The following ADGRG7 variants were observed in gnomAD, a reference collection of about 807,000 sequenced individuals.
ADGRG7 encodes adhesion G protein-coupled receptor G7, also known as G-protein coupled receptor 128.
A neutral mutation model predicts 88.6 loss-of-function variants in ADGRG7; 82 were observed. The observed-to-expected ratio is 0.93, with a 90% CI of 0.77 to 1.11. ADGRG7 has a LOEUF of 1.11. Among genes scored for constraint, ADGRG7 ranks in the 50% most tolerant of loss-of-function variants. ADGRG7 has a pLI of 0.00. For missense variants in ADGRG7, 945 were observed against 953.4 expected, an observed-to-expected ratio of 0.99 and a Z score of 0.12; for synonymous variants, 381 against 345.2, an observed-to-expected ratio of 1.10 and a Z score of -1.15.
chr3:100,628,297 G>A (rs1707410553), intron 1 of ADGRG7, among the ~76,000 whole-genome samples: 1 of 151,286 alleles, frequency 6.6e-6, no homozygotes, highest in South Asian at 2.1e-4. Context: ...TATTACCATT[G>A]TTATCTATGA....
rs1181994563 is a variant in ADGRG7, at chr3:100,668,938, C to T, written c.1980-11C>T. 3.8e-6 allele frequency: 6 copies of T among 1,561,222 alleles called. No homozygotes were observed. Among genetic ancestry groups the T allele is most frequent in the Admixed American group, 3.9e-5 (2 of 51,210 alleles). On this transcript the variant is annotated splice_polypyrimidine_tract_variant and intron_variant, in intron 14 of 15. Transcript: ENST00000273352. Reference sequence around the variant, plus strand: ...TGAACCACATTATTTTTCTTGTTTTCTTTCACCTAGCACAAAAAAAGTTTC... The same window carrying T: ...TGAACCACATTATTTTTCTTGTTTTTTTTCACCTAGCACAAAAAAAGTTTC...
intron 15 of ADGRG7, among the ~76,000 whole-genome samples, chr3:100,671,271 TG>T (rs1380271420): frequency 6.6e-6 from 1 of 152,252 alleles, no homozygotes; most frequent in African/African-American, 2.4e-5. Context: ...TATCTCATTG[TG>T]GTTTTGATTT....
Position 100,668,945 on chromosome 3 carries a change from C to T in ADGRG7, c.1980-4C>T. On this transcript the variant is annotated splice_polypyrimidine_tract_variant and splice_region_variant and intron_variant, in intron 14 of 15. Transcript: ENST00000273352. ...CATTATTTTTCTTGTTTTCTTTCAC[C>T]TAGCACAAAAAAAGTTTCATCCATG... 1.3e-6 allele frequency: 2 copies of T among 1,575,494 alleles called. No individual in the cohort carries two copies. The highest frequency in any genetic ancestry group is 1.7e-6 in the Non-Finnish European group (2 of 1,163,900).
At chr3:100,643,450 G>GCTA in intron 7 of ADGRG7, 45 bp downstream of exon 7, 1 of 1,611,192 alleles carries the variant, frequency 6.2e-7, no homozygotes. Flanking sequence ...AGAGCATTCT[G>GCTA]CTACTGATGA....
chr3:100,660,715 G>A (rs1355257193), intron 14 of ADGRG7, among the ~76,000 whole-genome samples: 2 of 152,018 alleles, frequency 1.3e-5, no homozygotes, highest in Admixed American at 1.3e-4. Flanking sequence ...AACTTTGGGA[G>A]GCGGGGGTGG....
chr3:100,619,832 C>G (rs1273787155), intron 1 of ADGRG7, among the ~76,000 whole-genome samples: 3 of 152,142 alleles, frequency 2.0e-5, no homozygotes, highest in South Asian at 2.1e-4. Context: ...TTCCTCGACA[C>G]GTACACTCTC....
At chr3:100,641,750 G>A (rs1707645160) in intron 6 of ADGRG7, among the ~76,000 whole-genome samples, 1 of 152,234 alleles carries the variant, frequency 6.6e-6, no homozygotes, top group African/African-American at 2.4e-5. Flanking sequence ...GGAAGCCTTA[G>A]TAGAGGAGTT....
At chr3:100,660,158 T>C (rs773521989) in intron 14 of ADGRG7, among the ~76,000 whole-genome samples, 6 of 152,230 alleles carry the variant, frequency 3.9e-5, no homozygotes, top group African/African-American at 4.8e-5. Flanking sequence ...CAAGAAATCA[T>C]ATTTGGATAA....
At chr3:100,613,650 GT>G (rs1262361520) in intron 1 of ADGRG7, among the ~76,000 whole-genome samples, 1 of 152,144 alleles carries the variant, frequency 6.6e-6, no homozygotes, top group African/African-American at 2.4e-5. Flanking sequence ...AATCAGTGAT[GT>G]TTAAAGTGTT....
At chr3:100,612,035 TTAG>T (rs1707161772) in intron 1 of ADGRG7, among the ~76,000 whole-genome samples, 1 of 152,166 alleles carries the variant, frequency 6.6e-6, no homozygotes, top group Non-Finnish European at 1.5e-5. Flanking sequence ...TATAAATGTC[TTAG>T]TAGGGAAAAT....
intron 15 of ADGRG7, among the ~76,000 whole-genome samples, chr3:100,679,020 C>T: frequency 6.6e-6 from 1 of 152,184 alleles, no homozygotes; most frequent in Non-Finnish European, 1.5e-5. Flanking sequence ...CAAATCTAGC[C>T]AGGCTTGTTT....
At chr3:100,642,659 G>A (rs898788518) in intron 6 of ADGRG7, among the ~76,000 whole-genome samples, 2 of 152,274 alleles carry the variant, frequency 1.3e-5, no homozygotes, top group African/African-American at 2.4e-5. Flanking sequence ...AAATTGACAG[G>A]TTGCCCCCAC....
chr3:100,674,419 T>C (rs931819629), intron 15 of ADGRG7, among the ~76,000 whole-genome samples: 101 of 152,326 alleles, frequency 6.6e-4, no homozygotes, highest in African/African-American at 2.4e-3. Context: ...TTCCAATCCA[T>C]GAACATGGAA....
intron 13 of ADGRG7, among the ~76,000 whole-genome samples, chr3:100,656,517 G>A (rs2094937742): frequency 1.3e-5 from 2 of 152,144 alleles, no homozygotes. Flanking sequence ...ATTCCAGTGT[G>A]AATAATTAAC....
intron 1 of ADGRG7, among the ~76,000 whole-genome samples, chr3:100,622,690 G>A (rs1707331208): frequency 6.6e-6 from 1 of 151,994 alleles, no homozygotes. Flanking sequence ...TACACTTTTG[G>A]ATACAATTCC....
At chr3:100,668,031 G>C (rs2094953963) in intron 14 of ADGRG7, among the ~76,000 whole-genome samples, 1 of 152,184 alleles carries the variant, frequency 6.6e-6, no homozygotes, top group African/African-American at 2.4e-5. Flanking sequence ...TCCTTGGGTA[G>C]GGGAGAAAAT....
At chr3:100,645,145 A>G (rs1268248957) in intron 8 of ADGRG7, among the ~76,000 whole-genome samples, 1 of 152,262 alleles carries the variant, frequency 6.6e-6, no homozygotes, top group East Asian at 1.9e-4. Flanking sequence ...GTTAAAATGT[A>G]TACTGTTGAC....
chr3:100,683,880 A>G (rs951318750), intron 15 of ADGRG7, among the ~76,000 whole-genome samples: 2 of 152,260 alleles, frequency 1.3e-5, no homozygotes, highest in African/African-American at 4.8e-5. Flanking sequence ...AGACTGAAAG[A>G]GGTGTGTAAA....
chr3:100,647,700 G>A (rs936404945), intron 10 of ADGRG7, among the ~76,000 whole-genome samples: 17 of 33,962 alleles, frequency 5.0e-4, no homozygotes, highest in East Asian at 3.2e-3. Context: ...CTATTATTCC[G>A]GTGAAACAAA....
Sources: gnomAD v4.1 joint callset for allele counts (sites outside exome capture counted in the v4.1 genomes callset) on GRCh38, gnomAD v4.1.1 for gene constraint, MANE v1.5 for transcripts, NCBI Gene and HGNC (gene_info 2026-07-23, HGNC 2026-07-21) for gene names.